CADM2: variants seen among roughly 807,000 people sequenced by gnomAD.
CADM2 encodes the protein cell adhesion molecule 2, also known as immunoglobulin superfamily member 4D.
Under a neutral mutation model 49.8 loss-of-function variants are expected in CADM2, and 12 were observed. The ratio of observed to expected loss-of-function variants is 0.24; its 90% CI spans 0.15 to 0.39. The LOEUF is 0.39. Among genes scored for constraint, CADM2 ranks in the 10% least tolerant of loss-of-function variants. The probability of loss-of-function intolerance (pLI) is 1.00; values close to 1 mark genes in which losing one functional copy is unlikely to be tolerated. For missense variants in CADM2, 378 were observed against 492.3 expected, an observed-to-expected ratio of 0.77 and a Z score of 2.20; for synonymous variants, 214 against 175.4, an observed-to-expected ratio of 1.22 and a Z score of -1.74.
chr3:85,320,422 C>T (rs2044569406), intron 1 of CADM2, among the ~76,000 whole-genome samples: 2 of 152,134 alleles, frequency 1.3e-5, no homozygotes, highest in African/African-American at 2.4e-5. Flanking sequence ...TCATAGATTT[C>T]GGGTAGTTTT....
intron 1 of CADM2, among the ~76,000 whole-genome samples, chr3:85,258,819 C>CAT (rs758000316): frequency 1.1e-4 from 17 of 152,072 alleles, no homozygotes; most frequent in South Asian, 6.2e-4. Flanking sequence ...TGGAAGATGG[C>CAT]ATATATATAT....
intron 1 of CADM2, among the ~76,000 whole-genome samples, chr3:85,618,243 A>G (rs2063855309): frequency 6.6e-6 from 1 of 152,140 alleles, no homozygotes; most frequent in Non-Finnish European, 1.5e-5. Flanking sequence ...CGGGATCAGA[A>G]TTACTAATCA....
rs749056236 is a variant in CADM2, at chr3:85,961,689, A to G, written c.970+42A>G. 2.2e-6 allele frequency: 3 copies of G among 1,389,182 alleles called. No homozygotes were observed. The East Asian group carries it at 7.4e-5, about 34-fold the overall frequency. The allele number at this position is 1,389,182 out of a possible 1,614,324, so 86.1% of individuals were successfully genotyped here. A position where few individuals can be genotyped will look rare whatever the true frequency, so the allele number is the denominator to read the frequency against. ...AAACATTATATGTGAAAGGATGCAT[A>G]ACTTGAAAAACTATTTAAATATATC... On this transcript the variant is annotated intron_variant, in intron 8 of 9. Coordinates refer to ENST00000383699, the MANE Select transcript of CADM2 (RefSeq NM_001167675.2).
chr3:85,753,667 G>A (rs2068968275), intron 2 of CADM2, among the ~76,000 whole-genome samples: 1 of 152,156 alleles, frequency 6.6e-6, no homozygotes, highest in African/African-American at 2.4e-5. Flanking sequence ...GGAACAACAT[G>A]AGCAGACAAT....
At chr3:85,039,341 C>A (rs2107357176) in intron 1 of CADM2, among the ~76,000 whole-genome samples, 1 of 150,248 alleles carries the variant, frequency 6.7e-6, no homozygotes, top group South Asian at 2.1e-4. Context: ...GTCAGAGAAT[C>A]TTTTTCTGTG....
At chr3:85,637,636 T>TAAAATAAAATAAAATAAAATAAAATA (rs373000793) in intron 1 of CADM2, among the ~76,000 whole-genome samples, 86 of 147,598 alleles carry the variant, frequency 5.8e-4, no homozygotes, top group East Asian at 7.8e-4. Flanking sequence ...TAAAATAAAA[T>TAAAATAAAATAAAATAAAATAAAATA]AAATAAATAA....
chr3:85,979,164 A>T (rs201688456), intron 8 of CADM2: 251 of 1,609,124 alleles, frequency 1.6e-4, no homozygotes, highest in Middle Eastern at 5.0e-4. Context: ...CACTCACCAG[A>T]TGTTCCCAAC....
At chr3:85,793,718 C>T (rs2071467313) in intron 2 of CADM2, among the ~76,000 whole-genome samples, 1 of 152,154 alleles carries the variant, frequency 6.6e-6, no homozygotes, top group Non-Finnish European at 1.5e-5. Context: ...AATGTTCATT[C>T]TCTTATTAAA....
chr3:85,999,567 C>T (rs1261445382), intron 8 of CADM2, among the ~76,000 whole-genome samples: 1 of 121,920 alleles, frequency 8.2e-6, no homozygotes, highest in Non-Finnish European at 1.6e-5. Context: ...GGCAGGAAGG[C>T]AGGAAGGAAG....
At chr3:84,994,841 A>T (rs981923737) in intron 1 of CADM2, among the ~76,000 whole-genome samples, 1 of 152,032 alleles carries the variant, frequency 6.6e-6, no homozygotes, top group Non-Finnish European at 1.5e-5. Context: ...AGCCTGGCAA[A>T]CACAGTGAAA....
chr3:85,653,328 A>T (rs755389212), intron 1 of CADM2, among the ~76,000 whole-genome samples: 30 of 147,216 alleles, frequency 2.0e-4, no homozygotes, highest in Non-Finnish European at 5.9e-5. Context: ...TAAGCAGGTG[A>T]CAGGTGATAG....
chr3:85,548,083 C>T (rs2061708607), intron 1 of CADM2, among the ~76,000 whole-genome samples: 1 of 151,620 alleles, frequency 6.6e-6, no homozygotes, highest in African/African-American at 2.4e-5. Context: ...TAACTAGAGC[C>T]AGTTATTTAA....
chr3:85,791,925 A>G (rs781767354), intron 2 of CADM2, among the ~76,000 whole-genome samples: 10 of 152,058 alleles, frequency 6.6e-5, no homozygotes, highest in East Asian at 3.9e-4. Context: ...GGGTTTCACC[A>G]TGTTAGCCAG....
Position 85,645,542 on chromosome 3 carries a change from A to G in CADM2, c.62-80980A>G, listed in dbSNP as rs529615458. ...AGTAAGGTGGTTATGCTAGAACTAT[A>G]TTAAAGTCACTACATGATTTTCAGA... is the stretch of plus-strand genomic sequence containing the variant. On this transcript the variant is annotated intron_variant, in intron 1 of 9. Transcript: ENST00000383699. Among the ~76,000 whole-genome samples the G allele has an allele frequency of 4.1e-4, 63 of 152,112 alleles. 1 individual carries two copies. The South Asian group carries it at 0.013, about 32-fold the overall frequency.
chr3:85,799,304 T>C (rs1488196234), intron 2 of CADM2, among the ~76,000 whole-genome samples: 1 of 152,192 alleles, frequency 6.6e-6, no homozygotes, highest in Non-Finnish European at 1.5e-5. Context: ...TTTCCAATAC[T>C]ATGTTGAATA....
chr3:85,993,777 TGAAAG>T (rs892691464), intron 8 of CADM2: 1 of 151,730 alleles, frequency 6.6e-6, no homozygotes, highest in African/African-American at 2.4e-5. Flanking sequence ...AGTAATATCT[TGAAAG>T]GAATCTTTTT....
intron 1 of CADM2, among the ~76,000 whole-genome samples, chr3:85,146,762 T>G (rs1358503670): frequency 6.6e-6 from 1 of 152,176 alleles, no homozygotes; most frequent in Non-Finnish European, 1.5e-5. Flanking sequence ...ACAGTATAAA[T>G]AAGTGAATTT....
In CADM2 at chr3:85,747,859, AG is replaced by A; in HGVS notation, c.88+21312del. Among the ~76,000 whole-genome samples the A allele has an allele frequency of 3.3e-5, 5 of 152,232 alleles. No individual in the cohort carries two copies. The Middle Eastern group carries it at 0.014, about 414-fold the overall frequency. On this transcript the variant is annotated intron_variant, in intron 2 of 9. Transcript: ENST00000383699. ...ATTACTCATTTTGACAATGAGGAGCAGTTTCTGAATGAATTATGTGCTGTAG... is the reference window on the plus strand; with the variant it reads ...ATTACTCATTTTGACAATGAGGAGCATTTCTGAATGAATTATGTGCTGTAG...
chr3:85,859,990 T>C (rs1261695280), intron 3 of CADM2, among the ~76,000 whole-genome samples: 2 of 152,216 alleles, frequency 1.3e-5, no homozygotes, highest in Non-Finnish European at 2.9e-5. Flanking sequence ...TGTTAAATTT[T>C]GAAAACATAA....
Sources: allele counts gnomAD v4.1 joint callset (sites outside exome capture counted in the v4.1 genomes callset), GRCh38; gene constraint gnomAD v4.1.1; transcripts MANE v1.5; gene names NCBI Gene and HGNC (gene_info 2026-07-23, HGNC 2026-07-21).